CAPN15: variants seen among roughly 807,000 people sequenced by gnomAD.
CAPN15 encodes the protein calpain 15, also known as calpain-15.
Under a neutral mutation model 97.9 loss-of-function variants are expected in CAPN15, and 53 were observed. The ratio of observed to expected loss-of-function variants is 0.54; its 90% confidence interval spans 0.43 to 0.68. The LOEUF is 0.68. Ranked by LOEUF, CAPN15 falls within the 30% of genes least tolerant of loss-of-function variation. CAPN15 has a pLI of 0.00. For missense variants in CAPN15, 1,592 were observed against 1,589.8 expected (o/e 1.00, Z -0.02); for synonymous variants, 922 against 722.5 (o/e 1.28, Z -4.43).
Position 553,998 on chromosome 16 carries a change from C to T in CAPN15, c.*482C>T, listed in dbSNP as rs1027524812. ...TGTCCCCCACAGGGCAGGCGGGGTC[C>T]CTGGAGCCCTGGTGTGGAGCGGCGA... is the stretch of plus-strand genomic sequence containing the variant. On this transcript the variant is annotated 3_prime_UTR_variant, in exon 14 of 14. Coordinates refer to ENST00000219611, the MANE Select transcript of CAPN15 (RefSeq NM_005632.3). The T allele has an allele frequency of 1.7e-5, 3 of 178,534 alleles. No homozygotes were observed. Among genetic ancestry groups the T allele is most frequent in the Non-Finnish European group, 3.5e-5 (3 of 85,738 alleles). The allele number at this position is 178,534 out of a possible 1,614,324, so 11.1% of individuals were successfully genotyped here. A position where few individuals can be genotyped will look rare whatever the true frequency, so the allele number is the denominator to read the frequency against.
Position 536,104 on chromosome 16 carries a change from T to C in CAPN15, c.-61T>C. On this transcript the variant is annotated 5_prime_UTR_variant, in exon 3 of 14. Coordinates refer to ENST00000219611, the MANE Select transcript of CAPN15 (RefSeq NM_005632.3). ...GCCACTGCACTGGGTGATTCACGTG[T>C]GCCCAGGCCCTGAGGTGGGCCGGAC... 1 of 977,314 alleles carries C rather than the reference T, an allele frequency of 1.0e-6. No individual in the cohort carries two copies. Among genetic ancestry groups the C allele is most frequent in the Non-Finnish European group, 1.2e-6 (1 of 827,280 alleles). 60.5% of individuals were successfully genotyped at this position (977,314 alleles called of 1,614,324 possible). A position where few individuals can be genotyped will look rare whatever the true frequency, so the allele number is the denominator to read the frequency against.
At position 552,955 on chromosome 16, in the gene CAPN15, C is replaced by T. The variant is rs139483148; in HGVS notation, c.2997C>T (p.His999=). ...VENRHPKAYL[H]VQCDCTDSFN... ...ACCGACACCCCAAGGCCTACCTGCA[C>T]GTGCAGTGTGACTGCACCGACAGCT... The change falls in exon 13 of 14, where the codon CAC becomes CAT. Residue 999 remains histidine (H), a synonymous_variant. Coordinates refer to ENST00000219611, the MANE Select transcript of CAPN15 (RefSeq NM_005632.3). The surrounding 1 kb of genome is among the most constrained non-coding windows in gnomAD (Gnocchi z 6.4). The T allele has an allele frequency of 1.2e-4, 195 of 1,611,724 alleles. No homozygotes were observed. Among genetic ancestry groups the T allele is most frequent in the African/African-American group, 7.2e-4 (54 of 74,944 alleles).
At position 552,293 on chromosome 16, in the gene CAPN15, T is replaced by TGGCGCA. The variant is rs755133133; in HGVS notation, c.2508-2_2511dup. On this transcript the variant is annotated splice_region_variant and splice_polypyrimidine_tract_variant and intron_variant, in intron 10 of 13. Transcript: ENST00000219611. The surrounding 1 kb of genome is among the most constrained non-coding windows in gnomAD (Gnocchi z 6.4). ...ACGCGTGACCCTGGCCCGTGGTGTCTGGCGCAGGCGCTCGGACGCCGTGGA... is the reference window on the plus strand; with the variant it reads ...ACGCGTGACCCTGGCCCGTGGTGTCTGGCGCAGGCGCAGGCGCTCGGACGCCGTGGA... 6.5e-7 allele frequency: 1 copy of TGGCGCA among 1,547,206 alleles called. No individual in the cohort carries two copies. The highest frequency in any genetic ancestry group is 1.4e-5 in the African/African-American group (1 of 73,394).
chr16:529,807 C>T (rs932886689), intron 1 of CAPN15, among the ~76,000 whole-genome samples: 1 of 152,234 alleles, frequency 6.6e-6, no homozygotes, highest in Non-Finnish European at 1.5e-5. Context: ...AGGTCTGTGT[C>T]TGTCCTGGGT....
intron 7 of CAPN15, among the ~76,000 whole-genome samples, chr16:550,089 C>T (rs914336991): frequency 3.0e-5 from 4 of 131,606 alleles, no homozygotes; most frequent in Admixed American, 6.9e-5. Context: ...GCCGTCACCC[C>T]GGAGCAGGTG....
Position 551,155 on chromosome 16 carries a change from G to GGTCGGTGAGGGT in CAPN15, c.2067-147_2067-146insGTCGGTGAGGGT, listed in dbSNP as rs2035036841. ...GGTGAGGGCCCCGGTCGGTGAGGGC[G>GGTCGGTGAGGGT]CCCCGTCGGTGAGGGTCCCGGTCGG... On this transcript the variant is annotated intron_variant, in intron 7 of 13. Coordinates refer to ENST00000219611, the MANE Select transcript of CAPN15 (RefSeq NM_005632.3). The GGTCGGTGAGGGT allele has an allele frequency of 1.5e-4, 140 of 915,808 alleles. 3 individuals are homozygous for GGTCGGTGAGGGT. The African/African-American group carries it at 4.1e-3, about 27-fold the overall frequency. The allele number at this position is 915,808 out of a possible 1,614,324, so 56.7% of individuals were successfully genotyped here.
At chr16:541,017 G>A (rs938244608) in intron 3 of CAPN15, among the ~76,000 whole-genome samples, 3 of 152,246 alleles carry the variant, frequency 2.0e-5, no homozygotes, top group Admixed American at 1.3e-4. Context: ...TGCAGTGGCC[G>A]CCGTTGCTCT....
chr16:542,266 G>A (rs895603784), intron 3 of CAPN15, among the ~76,000 whole-genome samples: 7 of 152,098 alleles, frequency 4.6e-5, no homozygotes, highest in African/African-American at 1.7e-4. Flanking sequence ...GTTTTGCGTG[G>A]ACCTGTTTTC....
intron 3 of CAPN15, among the ~76,000 whole-genome samples, chr16:546,309 T>C (rs1276185206): frequency 1.3e-5 from 2 of 152,202 alleles, no homozygotes; most frequent in African/African-American, 4.8e-5. Context: ...AACAATTGAT[T>C]TTTCTGCCAG....
chr16:538,230 C>T (rs574691736), intron 3 of CAPN15: 12 of 152,280 alleles, frequency 7.9e-5, no homozygotes, highest in African/African-American at 2.9e-4. Context: ...GCGAGTGAGC[C>T]AGGCTGTGCC....
chr16:535,323 C>G lies in CAPN15; in HGVS notation c.-136-706C>G, dbSNP rs1393105061. 3 of 154,160 alleles carry G rather than the reference C, an allele frequency of 1.9e-5. No individual in the cohort carries two copies. The highest frequency in any genetic ancestry group is 6.5e-5 in the Admixed American group (1 of 15,276). The allele number at this position is 154,160 out of a possible 1,614,324, so 9.5% of individuals were successfully genotyped here. On this transcript the variant is annotated intron_variant, in intron 2 of 13. Transcript: ENST00000219611. This position sits in a 1 kb window ranked among gnomAD's most constrained non-coding sequence, Gnocchi z 6.2. Reference sequence around the variant, plus strand: ...AGATGGAGCGGGGCGGCAATGGTCACCTCCGGGACTCAGCCCTGTGCTGAG... The same window carrying G: ...AGATGGAGCGGGGCGGCAATGGTCAGCTCCGGGACTCAGCCCTGTGCTGAG...
At chr16:538,512 C>A (rs112669437) in intron 3 of CAPN15, 12,483 of 152,266 alleles carry the variant, frequency 0.082, 562 homozygotes, top group Middle Eastern at 0.14. Flanking sequence ...ACGACCCCAG[C>A]ACCTTCAGAG....
chr16:543,930 G>T (rs2034340462), intron 3 of CAPN15, among the ~76,000 whole-genome samples: 1 of 152,214 alleles, frequency 6.6e-6, no homozygotes, highest in African/African-American at 2.4e-5. Flanking sequence ...CATGGATGAA[G>T]GGGTGGTGCA....
intron 1 of CAPN15, among the ~76,000 whole-genome samples, chr16:533,222 AAAAAT>A (rs961693880): frequency 1.9e-3 from 296 of 152,330 alleles, no homozygotes; most frequent in African/African-American, 5.1e-3. Flanking sequence ...CTCTATCTCA[AAAAAT>A]AAAATAAAAA....
chr16:534,227 C>A (rs1236248658), intron 2 of CAPN15, among the ~76,000 whole-genome samples: 5 of 152,222 alleles, frequency 3.3e-5, no homozygotes, highest in Admixed American at 6.5e-5. Context: ...GCCCGGGGTC[C>A]CGACAGGGGT....
At chr16:536,323 C>T (rs1420417492) in intron 3 of CAPN15, among the ~76,000 whole-genome samples, 181 bp downstream of exon 3, 1 of 152,198 alleles carries the variant, frequency 6.6e-6, no homozygotes, top group Non-Finnish European at 1.5e-5. Flanking sequence ...GCTGCCCTCC[C>T]TCCTTCCCAC....
In CAPN15 at chr16:548,047, G is replaced by A. The variant is rs1343058412; in HGVS notation, c.1209G>A (p.Gln403=). Residue 403 remains glutamine (Q), a synonymous_variant, in exon 4 of 14, where the codon CAG becomes CAA. Transcript: ENST00000219611. ...GCTGCGGACGGGTGTCCTCGGCCCA[G>A]AAGGCCGCCCGCGTCCTGCCCGAGC... ...GRSCGRVSSA[Q]KAARVLPERP... is the part of the protein sequence containing the mutation. 5.1e-6 allele frequency: 8 copies of A among 1,557,626 alleles called. No homozygotes were observed. Among genetic ancestry groups the A allele is most frequent in the Admixed American group, 3.7e-5 (2 of 54,074 alleles).
intron 1 of CAPN15, 64 bp from the exon 2 acceptor site, chr16:533,882 T>G (rs1314716791): frequency 1.2e-6 from 1 of 829,614 alleles, no homozygotes; most frequent in Non-Finnish European, 1.5e-6. Context: ...CGGGGCTCTG[T>G]GTTCCAGGGT....
rs2034613653 is a variant in CAPN15 at position 546,777 on chromosome 16, G to A, written c.-22-40G>A. 9 of 1,531,554 alleles carry A rather than the reference G, an allele frequency of 5.9e-6. No homozygotes were observed. In the South Asian group the frequency reaches 7.7e-5, roughly 13 times the overall value. 94.9% of individuals were successfully genotyped at this position (1,531,554 alleles called of 1,614,324 possible). A position where few individuals can be genotyped will look rare whatever the true frequency, so the allele number is the denominator to read the frequency against. Reference sequence around the variant, plus strand: ...AGGAGGGTGGGGTCCAGCCACTCAGGACCTCACAGGGTGGCCCTGATGAGC... The same window carrying A: ...AGGAGGGTGGGGTCCAGCCACTCAGAACCTCACAGGGTGGCCCTGATGAGC... On this transcript the variant is annotated intron_variant, in intron 3 of 13. Transcript: ENST00000219611.
Sources: allele counts gnomAD v4.1 joint callset (sites outside exome capture counted in the v4.1 genomes callset), GRCh38; gene constraint gnomAD v4.1.1; non-coding constraint Gnocchi (gnomAD v3.1); transcripts MANE v1.5; gene names NCBI Gene and HGNC (gene_info 2026-07-23, HGNC 2026-07-21).